Variants in EFCAB6 observed in about 807,000 individuals in gnomAD.
The protein encoded by EFCAB6 is EF-hand calcium-binding domain-containing protein 6.
In EFCAB6, 156 loss-of-function variants were observed where a neutral mutation model predicts 169.8. That is an observed-to-expected ratio of 0.92 (90% CI 0.81 to 1.05). The LOEUF (loss-of-function observed/expected upper bound fraction) is 1.05, where lower values mean the gene tolerates loss of function less well. Ranked by LOEUF, EFCAB6 falls within the 50% of genes least tolerant of loss-of-function variation. The probability of loss-of-function intolerance (pLI) is 0.00; values close to 1 mark genes in which losing one functional copy is unlikely to be tolerated. For missense variants in EFCAB6, 1,800 were observed against 1,829.1 expected, an observed-to-expected ratio of 0.98 and a Z score of 0.29; for synonymous variants, 698 against 676.4, an observed-to-expected ratio of 1.03 and a Z score of -0.50.
chr22:43,787,498 CAATT>C (rs1288952516), intron 2 of EFCAB6, among the ~76,000 whole-genome samples: 2 of 151,866 alleles, frequency 1.3e-5, no homozygotes, highest in Admixed American at 6.6e-5. Context: ...ATTAAGGAAA[CAATT>C]CTATTTACAA....
At chr22:43,575,137 T>C (rs933649621) in intron 26 of EFCAB6, among the ~76,000 whole-genome samples, 1 of 152,102 alleles carries the variant, frequency 6.6e-6, no homozygotes, top group African/African-American at 2.4e-5. Context: ...AATGGCAGCA[T>C]GTTATTCACA....
At chr22:43,570,395 A>C (rs1417241552) in intron 26 of EFCAB6, among the ~76,000 whole-genome samples, 1 of 152,230 alleles carries the variant, frequency 6.6e-6, no homozygotes, top group Admixed American at 6.5e-5. Context: ...TCACTGAAGA[A>C]ACTGAAATTG....
chr22:43,662,797 T>C (rs6006524), intron 17 of EFCAB6, among the ~76,000 whole-genome samples: 50,717 of 152,100 alleles, frequency 0.33, 8,886 homozygotes, highest in East Asian at 0.63. Context: ...GAATTACACC[T>C]GGTAAGCCTC....
At chr22:43,607,520 G>A (rs2053009188) in intron 22 of EFCAB6, among the ~76,000 whole-genome samples, 1 of 152,206 alleles carries the variant, frequency 6.6e-6, no homozygotes, top group Admixed American at 6.5e-5. Flanking sequence ...ACTAGTGTAA[G>A]CTACTCAAAC....
At chr22:43,574,982 C>A (rs1480909197) in intron 26 of EFCAB6, among the ~76,000 whole-genome samples, 1 of 152,138 alleles carries the variant, frequency 6.6e-6, no homozygotes, top group Non-Finnish European at 1.5e-5. Flanking sequence ...TGAACATGGA[C>A]CCGCCCTCCC....
chr22:43,765,222 GATTAGTTCCA>G, intron 5 of EFCAB6, 73 bp downstream of exon 5: 1 of 1,010,668 alleles, frequency 9.9e-7, no homozygotes, highest in Non-Finnish European at 1.5e-6. Flanking sequence ...CTGTTGATAT[GATTAGTTCCA>G]ATGGCTTCAC....
rs78649659 is a variant in EFCAB6 at position 43,587,324 on chromosome 22, A to T, written c.3032+2750T>A. 9.1e-3 allele frequency among the ~76,000 whole-genome samples: 1,393 copies of T among 152,292 alleles called. 11 individuals are homozygous for T. The highest frequency in any genetic ancestry group is 0.037 in the Middle Eastern group (11 of 294). ...AGGGGAGGATTAATAAAAAGTGTAT[A>T]CACTGACTTGTTAGTTTCCTATGGC... On this transcript the variant is annotated intron_variant, in intron 24 of 31. Coordinates refer to ENST00000262726, the MANE Select transcript of EFCAB6 (RefSeq NM_022785.4).
chr22:43,772,231 T>C (rs928207473), intron 4 of EFCAB6, among the ~76,000 whole-genome samples: 1 of 152,222 alleles, frequency 6.6e-6, no homozygotes, highest in African/African-American at 2.4e-5. Flanking sequence ...GTGTCTAGCA[T>C]TGGCTCTAGC....
chr22:43,621,593 GAGAGAA>G (rs2054118933), intron 20 of EFCAB6, among the ~76,000 whole-genome samples: 1 of 151,864 alleles, frequency 6.6e-6, no homozygotes, highest in African/African-American at 2.4e-5. Context: ...CGGCTTATAT[GAGAGAA>G]AAAATGACTC....
At chr22:43,606,522 C>A (rs1054588848) in intron 22 of EFCAB6, among the ~76,000 whole-genome samples, 1 of 152,178 alleles carries the variant, frequency 6.6e-6, no homozygotes, top group South Asian at 2.1e-4. Flanking sequence ...ACTCAAGTGG[C>A]CCTGGGTGAC....
Position 43,687,464 on chromosome 22 carries a change from T to TTTAAAA in EFCAB6, c.1142+6_1142+7insTTTTAA. Reference sequence around the variant, plus strand: ...TAAAATTTGTTTTTTTTTTTTTTTTTACATACCTATTTCTTTTTGTCAGGG... The same window carrying TTTAAAA: ...TAAAATTTGTTTTTTTTTTTTTTTTTTTAAAAACATACCTATTTCTTTTTGTCAGGG... On this transcript the variant is annotated splice_region_variant and intron_variant, in intron 11 of 31. Coordinates refer to ENST00000262726, the MANE Select transcript of EFCAB6 (RefSeq NM_022785.4). 1.4e-6 allele frequency: 2 copies of TTTAAAA among 1,422,184 alleles called. No individual in the cohort carries two copies. The highest frequency in any genetic ancestry group is 1.9e-6 in the Non-Finnish European group (2 of 1,046,294). 88.1% of individuals were successfully genotyped at this position (1,422,184 alleles called of 1,614,324 possible).
At chr22:43,728,435 G>A (rs1454131610) in intron 8 of EFCAB6, among the ~76,000 whole-genome samples, 1 of 152,164 alleles carries the variant, frequency 6.6e-6, no homozygotes, top group Non-Finnish European at 1.5e-5. Flanking sequence ...CCATTAATGG[G>A]ATTGCTGGGT....
intron 26 of EFCAB6, among the ~76,000 whole-genome samples, chr22:43,575,867 A>T (rs2050223316): frequency 6.6e-6 from 1 of 152,180 alleles, no homozygotes; most frequent in Non-Finnish European, 1.5e-5. Flanking sequence ...ATGATTACAC[A>T]TGTTAATATA....
rs1025912582 is a variant in EFCAB6 at position 43,683,968 on chromosome 22, C to T, written c.1143-113G>A. ...ACAATACAGTAGAGCTTTCTCTGTG[C>T]GTGGCTCTTTTTCCTGACAGTGTGC... On this transcript the variant is annotated intron_variant, in intron 11 of 31. Transcript: ENST00000262726. 47 of 757,856 alleles carry T rather than the reference C, an allele frequency of 6.2e-5. 1 individual carries two copies. Among genetic ancestry groups the T allele is most frequent in the South Asian group, 4.9e-4 (29 of 59,114 alleles). The allele number at this position is 757,856 out of a possible 1,614,324, so 46.9% of individuals were successfully genotyped here. A position where few individuals can be genotyped will look rare whatever the true frequency, so the allele number is the denominator to read the frequency against.
chr22:43,742,783 C>A (rs1385133664), intron 6 of EFCAB6, among the ~76,000 whole-genome samples: 1 of 152,222 alleles, frequency 6.6e-6, no homozygotes, highest in Admixed American at 6.5e-5. Context: ...GGCACCCCCA[C>A]TGCACCCCGG....
intron 2 of EFCAB6, among the ~76,000 whole-genome samples, chr22:43,792,161 T>A (rs558780553): frequency 1.2e-4 from 19 of 152,186 alleles, no homozygotes; most frequent in African/African-American, 4.3e-4. Context: ...AGGCTCAGGA[T>A]TGAGATCACA....
chr22:43,683,826 T>C lies in EFCAB6; in HGVS notation c.1172A>G (p.Glu391Gly). The change falls in exon 12 of 32, where the codon GAA becomes GGA. Residue 391 changes from glutamate (E) to glycine (G), a missense_variant. Physicochemically the swap from Glu to Gly is moderately conservative, Grantham distance 98. Coordinates refer to ENST00000262726, the MANE Select transcript of EFCAB6 (RefSeq NM_022785.4). Reference protein sequence around the residue: ...SINSRNESHKENIITKLFRHT... With the variant: ...SINSRNESHKGNIITKLFRHT... The stretch of plus-strand genomic sequence containing the variant: ...TCTAAATAACTTTGTGATGATGTTT[T>C]CCTTGTGAGATTCATTTCTAGAGTT... 1 of 1,613,308 alleles carries C rather than the reference T, an allele frequency of 6.2e-7. No individual in the cohort carries two copies. Among genetic ancestry groups the C allele is most frequent in the Non-Finnish European group, 8.5e-7 (1 of 1,179,232 alleles).
rs906077834 is a variant in EFCAB6 at position 43,537,061 on chromosome 22, C to T, written c.4048+316G>A. ...CCGCCCTCCTCCACCTTTTCCATTT[C>T]CTTCTGCAGTCAGAGTCTGTGAACA... On this transcript the variant is annotated intron_variant, in intron 29 of 31. Transcript: ENST00000262726. This position sits in a 1 kb window ranked among gnomAD's most constrained non-coding sequence, Gnocchi z 4.3. The T allele has an allele frequency of 1.8e-5, 4 of 228,152 alleles. No individual in the cohort carries two copies. Among genetic ancestry groups the T allele is most frequent in the Non-Finnish European group, 3.4e-5 (4 of 117,544 alleles). 14.1% of individuals were successfully genotyped at this position (228,152 alleles called of 1,614,324 possible). A position where few individuals can be genotyped will look rare whatever the true frequency, so the allele number is the denominator to read the frequency against.
intron 11 of EFCAB6, among the ~76,000 whole-genome samples, chr22:43,684,200 C>A (rs572895798): frequency 6.6e-6 from 1 of 152,182 alleles, no homozygotes; most frequent in African/African-American, 2.4e-5. Context: ...TGGGAGCCCC[C>A]CCTCCTGTGT....
Sources: gnomAD v4.1 joint callset for allele counts (sites outside exome capture counted in the v4.1 genomes callset) on GRCh38, gnomAD v4.1.1 for gene constraint, Gnocchi (gnomAD v3.1) non-coding constraint, MANE v1.5 for transcripts, NCBI Gene and HGNC (gene_info 2026-07-23, HGNC 2026-07-21) for gene names.